ABTB3: variants seen among roughly 807,000 people sequenced by gnomAD.
ABTB3 encodes ankyrin repeat and BTB domain containing 3.
the ABTB3 span, among the ~76,000 whole-genome samples, chr12:107,507,143 C>A: frequency 6.6e-6 from 1 of 152,036 alleles, no homozygotes; most frequent in East Asian, 1.9e-4. Flanking sequence ...GAGGGTCAGT[C>A]TGGGATGGAA....
the ABTB3 span, among the ~76,000 whole-genome samples, chr12:107,358,188 AT>A: frequency 6.6e-6 from 1 of 152,244 alleles, no homozygotes; most frequent in Non-Finnish European, 1.5e-5. Flanking sequence ...TATAAAATAT[AT>A]AGCTTGTTAG....
the ABTB3 span, among the ~76,000 whole-genome samples, chr12:107,335,247 A>G: frequency 3.0e-5 from 4 of 132,064 alleles, no homozygotes; most frequent in African/African-American, 1.2e-4. Context: ...TGATCATGCC[A>G]CTATATTCCA....
At chr12:107,585,541 G>A in the ABTB3 span, among the ~76,000 whole-genome samples, 3 of 152,298 alleles carry the variant, frequency 2.0e-5, no homozygotes, top group East Asian at 5.8e-4. Flanking sequence ...TGTAAAGATG[G>A]TAGTAACAGC....
At chr12:107,396,157 A>C in the ABTB3 span, among the ~76,000 whole-genome samples, 1 of 152,236 alleles carries the variant, frequency 6.6e-6, no homozygotes, top group Non-Finnish European at 1.5e-5. Context: ...TTTAGAACCC[A>C]GCCCAGCCTT....
the ABTB3 span, among the ~76,000 whole-genome samples, chr12:107,582,854 C>G: frequency 1.6e-3 from 247 of 152,332 alleles, 3 homozygotes; most frequent in East Asian, 0.044. Context: ...CCCCCATCGC[C>G]AACCTGGATG....
chr12:107,577,586 G>T, the ABTB3 span, among the ~76,000 whole-genome samples: 1 of 152,054 alleles, frequency 6.6e-6, no homozygotes, highest in African/African-American at 2.4e-5. Flanking sequence ...GCTTGACTCT[G>T]CAGGAAGCCC....
the ABTB3 span, among the ~76,000 whole-genome samples, chr12:107,420,355 C>T: frequency 2.6e-5 from 4 of 152,134 alleles, no homozygotes; most frequent in Admixed American, 6.5e-5. Flanking sequence ...AATGGACTAA[C>T]GGTTTCACAT....
At chr12:107,573,147 A>AAGGCCACT in the ABTB3 span, among the ~76,000 whole-genome samples, 1 of 152,170 alleles carries the variant, frequency 6.6e-6, no homozygotes, top group Admixed American at 6.5e-5. Flanking sequence ...CCTCTGTTTC[A>AAGGCCACT]TGGTTCCCAA....
At chr12:107,586,076 T>C in the ABTB3 span, among the ~76,000 whole-genome samples, 3 of 151,956 alleles carry the variant, frequency 2.0e-5, no homozygotes, top group Non-Finnish European at 4.4e-5. Context: ...AAACAGGGTG[T>C]AGGGGTAGAG....
At chr12:107,581,192 G>A in the ABTB3 span, 1 of 1,539,186 alleles carries the variant, frequency 6.5e-7, no homozygotes. Context: ...GTGGATCCGG[G>A]TGGCCGTGGC....
the ABTB3 span, among the ~76,000 whole-genome samples, chr12:107,481,883 GTCTCTCTCTCTCTCTC>G: frequency 0.013 from 1,393 of 108,322 alleles, 23 homozygotes; most frequent in African/African-American, 0.033. Context: ...GAAATCAAGA[GTCTCTCTCTCTCTCTC>G]TCTCTCTCTC....
chr12:107,396,406 T>C, the ABTB3 span, among the ~76,000 whole-genome samples: 1 of 152,272 alleles, frequency 6.6e-6, no homozygotes, highest in Non-Finnish European at 1.5e-5. Context: ...CCCAGCCAGT[T>C]TTCTCATCTG....
At chr12:107,494,652 G>T in the ABTB3 span, among the ~76,000 whole-genome samples, 2 of 152,168 alleles carry the variant, frequency 1.3e-5, no homozygotes, top group Non-Finnish European at 1.5e-5. Context: ...CTTCTTCAGG[G>T]AGCTTTCGGA....
At chr12:107,542,800 A>G in the ABTB3 span, among the ~76,000 whole-genome samples, 3 of 152,270 alleles carry the variant, frequency 2.0e-5, no homozygotes, top group Non-Finnish European at 4.4e-5. Flanking sequence ...AAAATTATTA[A>G]GGAAACCATA....
the ABTB3 span, among the ~76,000 whole-genome samples, chr12:107,389,389 G>A: frequency 6.6e-6 from 1 of 152,094 alleles, no homozygotes. Flanking sequence ...GGAAAACTGA[G>A]GTATAAGCCG....
the ABTB3 span, chr12:107,649,292 G>T: frequency 5.0e-6 from 8 of 1,607,716 alleles, no homozygotes; most frequent in Non-Finnish European, 6.8e-6. Flanking sequence ...ATCCATTGTG[G>T]TGTTGGCTAT....
the ABTB3 span, among the ~76,000 whole-genome samples, chr12:107,542,808 A>G: frequency 6.6e-6 from 1 of 152,224 alleles, no homozygotes. Flanking sequence ...TAAGGAAACC[A>G]TAAGGAAGAG....
At chr12:107,567,249 G>A in the ABTB3 span, among the ~76,000 whole-genome samples, 178 of 152,340 alleles carry the variant, frequency 1.2e-3, 1 homozygote, top group African/African-American at 4.0e-3. Flanking sequence ...TAAAAGTGTC[G>A]CCCTTGCGGG....
chr12:107,470,012 C>CTTTCTTTCTTTCTT, the ABTB3 span, among the ~76,000 whole-genome samples: 2 of 108,140 alleles, frequency 1.8e-5, no homozygotes, highest in African/African-American at 4.1e-5. Context: ...TTCTTTCTTT[C>CTTTCTTTCTTTCTT]TCTCTCTCTC....
Sources: gnomAD v4.1 joint callset for allele counts (sites outside exome capture counted in the v4.1 genomes callset) on GRCh38, gnomAD v4.1.1 for gene constraint, MANE v1.5 for transcripts, NCBI Gene and HGNC (gene_info 2026-07-23, HGNC 2026-07-21) for gene names.